DNAAF9: variants seen among roughly 807,000 people sequenced by gnomAD.
DNAAF9 encodes dynein axonemal assembly factor 9, also known as shulin.
DNAAF9 carries 90 observed loss-of-function variants against 167.0 expected under a neutral mutation model. The ratio of observed to expected loss-of-function variants is 0.54; its 90% CI spans 0.45 to 0.64. DNAAF9 has a LOEUF of 0.64. Ranked by LOEUF, DNAAF9 falls within the 30% of genes least tolerant of loss-of-function variation. The probability of loss-of-function intolerance (pLI) is 0.00; values close to 1 mark genes in which losing one functional copy is unlikely to be tolerated. For missense variants in DNAAF9, 1,315 were observed against 1,442.2 expected (o/e 0.91, Z 1.43); for synonymous variants, 491 against 508.8 (o/e 0.96, Z 0.47).
intron 10 of DNAAF9, 50 bp downstream of exon 10, chr20:3,340,454 C>CCCCACCCT: frequency 1.9e-6 from 2 of 1,053,078 alleles, no homozygotes; most frequent in Non-Finnish European, 2.6e-6. Flanking sequence ...ACCCCACCCC[C>CCCCACCCT]ACAACTTGAT....
In DNAAF9 at chr20:3,287,730, C is replaced by A. The variant is rs1283290941; in HGVS notation, c.2388G>T (p.Gln796His). ...SSECFHAAHFQRYLSSALEAQ... is the reference protein window; with the variant it reads ...SSECFHAAHFHRYLSSALEAQ... ...CCTCTAGGGCACTGGAAAGGTATCTCTGGAAGTGTGCAGCATGAAAACATT... is the reference window on the plus strand; with the variant it reads ...CCTCTAGGGCACTGGAAAGGTATCTATGGAAGTGTGCAGCATGAAAACATT... The change falls in exon 27 of 37, where the codon CAG (glutamine) becomes CAT (histidine). Residue 796 changes from glutamine (Q) to histidine (H), a missense_variant. Around this residue, in one of 2 missense-constraint regions of DNAAF9, gnomAD observed 981 missense variants for 1,012.5 expected, o/e 0.97. Transcript: ENST00000252032. The A allele has an allele frequency of 6.2e-7, 1 of 1,614,058 alleles. No individual in the cohort carries two copies. Among genetic ancestry groups the A allele is most frequent in the East Asian group, 2.2e-5 (1 of 44,886 alleles).
At chr20:3,298,931 T>TG (rs1298298926) in intron 21 of DNAAF9, among the ~76,000 whole-genome samples, 1 of 137,522 alleles carries the variant, frequency 7.3e-6, no homozygotes, top group African/African-American at 2.8e-5. Context: ...TTTTTTGAGA[T>TG]GGAGTCTCAC....
Position 3,270,465 on chromosome 20 carries a change from AGCAGG to A in DNAAF9, c.2743_2747del (p.Pro915CysfsTer15), listed in dbSNP as rs1182672526. 1 of 1,613,440 alleles carries A rather than the reference AGCAGG, an allele frequency of 6.2e-7. No homozygotes were observed. Among genetic ancestry groups the A allele is most frequent in the African/African-American group, 1.3e-5 (1 of 75,042 alleles). ...CATTTTCTGCAAGAATGAAGGCTGC[AGCAGG>A]ATTGGCAGCCCTGATGAGGCTCTGC... On this transcript the variant is annotated frameshift_variant, in exon 30 of 37. Transcript: ENST00000252032. LOFTEE classifies it high-confidence loss of function.
At chr20:3,324,758 T>C (rs2069680399) in intron 14 of DNAAF9, 134 bp downstream of exon 14, 1 of 638,062 alleles carries the variant, frequency 1.6e-6, no homozygotes, top group Non-Finnish European at 2.8e-6. Flanking sequence ...TCATGAATGA[T>C]TCTCCTTCAC....
intron 2 of DNAAF9, 101 bp from the exon 3 acceptor site, chr20:3,381,599 A>G (rs2083654965): frequency 7.9e-7 from 1 of 1,267,448 alleles, no homozygotes; most frequent in East Asian, 2.4e-5. Flanking sequence ...ATCAAGCTGA[A>G]GGACGCAGCT....
intron 9 of DNAAF9, among the ~76,000 whole-genome samples, chr20:3,341,800 C>T (rs972131935): frequency 3.3e-5 from 5 of 151,986 alleles, no homozygotes; most frequent in African/African-American, 1.2e-4. Flanking sequence ...TTTTTTGAGA[C>T]GGAGTCTTGC....
At chr20:3,319,249 C>G (rs6115849) in intron 16 of DNAAF9, among the ~76,000 whole-genome samples, 1 of 123,912 alleles carries the variant, frequency 8.1e-6, no homozygotes, top group Non-Finnish European at 1.6e-5. Context: ...GGCAACGGAC[C>G]GAGACCCCGT....
In DNAAF9 at chr20:3,322,262, T is replaced by C; in HGVS notation, c.1311A>G (p.Arg437=). Reference sequence around the variant, plus strand: ...TATCTTCACTGTCCAGCGGTACAATTCTAGGAGGGGAAAGAGATGGAAGAC... The same window carrying C: ...TATCTTCACTGTCCAGCGGTACAATCCTAGGAGGGGAAAGAGATGGAAGAC... ...FHIHAVNNQG[R]IVPLDSEDSL... Residue 437 remains arginine, a splice_region_variant and synonymous_variant, in exon 16 of 37, where the codon AGA becomes AGG. Transcript: ENST00000252032. The C allele has an allele frequency of 1.2e-6, 2 of 1,605,488 alleles. No homozygotes were observed. The highest frequency in any genetic ancestry group is 1.7e-6 in the Non-Finnish European group (2 of 1,173,130).
intron 1 of DNAAF9, among the ~76,000 whole-genome samples, chr20:3,389,347 C>T (rs1237276061): frequency 6.6e-6 from 1 of 150,978 alleles, no homozygotes; most frequent in Non-Finnish European, 1.5e-5. Context: ...AGATGGGTCT[C>T]ACCATGTTGC....
intron 29 of DNAAF9, among the ~76,000 whole-genome samples, chr20:3,276,952 C>T (rs1236855560): frequency 6.6e-6 from 1 of 152,172 alleles, no homozygotes; most frequent in Admixed American, 6.5e-5. Context: ...GGCTCTGGAC[C>T]CTACCCCTTC....
intron 11 of DNAAF9, among the ~76,000 whole-genome samples, chr20:3,331,125 A>G (rs2069821328): frequency 6.6e-6 from 1 of 152,112 alleles, no homozygotes; most frequent in Admixed American, 6.5e-5. Context: ...TAGTACAAAC[A>G]CCAACAACAG....
chr20:3,306,974 T>C, intron 20 of DNAAF9: 6 of 985,332 alleles, frequency 6.1e-6, no homozygotes, highest in Non-Finnish European at 7.2e-6. Context: ...TTCCCTGTCC[T>C]GGGTATCCCT....
At chr20:3,293,611 G>A (rs1038664399) in intron 25 of DNAAF9, among the ~76,000 whole-genome samples, 2 of 146,946 alleles carry the variant, frequency 1.4e-5, no homozygotes, top group Non-Finnish European at 3.0e-5. Flanking sequence ...CTTGAGCCCA[G>A]GGGGCGGAGG....
At position 3,256,115 on chromosome 20, in the gene DNAAF9, T is replaced by C. The variant is rs772670526; in HGVS notation, c.3152A>G (p.Lys1051Arg). The change falls in exon 34 of 37, where the codon AAA becomes AGA. Residue 1051 changes from lysine (K) to arginine (R), a missense_variant. Physicochemically the swap from Lys to Arg is conservative, Grantham distance 26. Around this residue, in one of 2 missense-constraint regions of DNAAF9, gnomAD observed 334 missense variants for 429.7 expected, o/e 0.78. Transcript: ENST00000252032. Reference sequence around the variant, plus strand: ...CCCGCTGCTGTCTTGAGATACGCTTTTGGAGTCTGGTGGTGGTGTGGGTCC... The same window carrying C: ...CCCGCTGCTGTCTTGAGATACGCTTCTGGAGTCTGGTGGTGGTGTGGGTCC... Reference protein sequence around the residue: ...LEGPTPPPDSKSVSQDSSGQQ... With the variant: ...LEGPTPPPDSRSVSQDSSGQQ... 3 of 1,614,058 alleles carry C rather than the reference T, an allele frequency of 1.9e-6. No individual in the cohort carries two copies. Among genetic ancestry groups the C allele is most frequent in the Non-Finnish European group, 1.7e-6 (2 of 1,180,014 alleles).
chr20:3,362,215 A>G, intron 6 of DNAAF9: 1 of 1,435,242 alleles, frequency 7.0e-7, no homozygotes, highest in Non-Finnish European at 9.7e-7. Context: ...GTAATCTTCT[A>G]GACCCCAGCT....
At chr20:3,307,205 A>G (rs1233927036) in intron 20 of DNAAF9, 1 of 959,598 alleles carries the variant, frequency 1.0e-6, no homozygotes, top group African/African-American at 1.8e-5. Context: ...ACAAAATGGA[A>G]AAGAGGAAGA....
intron 11 of DNAAF9, among the ~76,000 whole-genome samples, chr20:3,331,657 C>T (rs1297389868): frequency 3.9e-5 from 6 of 152,180 alleles, no homozygotes; most frequent in South Asian, 2.1e-4. Context: ...ATTCCCACTG[C>T]GGACCCCACC....
At chr20:3,375,873 G>C (rs1249507592) in intron 4 of DNAAF9, among the ~76,000 whole-genome samples, 1 of 151,922 alleles carries the variant, frequency 6.6e-6, no homozygotes, top group African/African-American at 2.4e-5. Context: ...TCCCAGGGCA[G>C]TCCCTAGGCA....
rs964218541 is a variant in DNAAF9, at chr20:3,264,475, C to A, written c.2836G>T (p.Glu946Ter). 2 of 1,569,568 alleles carry A rather than the reference C, an allele frequency of 1.3e-6. No homozygotes were observed. Among genetic ancestry groups the A allele is most frequent in the African/African-American group, 2.7e-5 (2 of 74,004 alleles). The change falls in exon 31 of 37, where the codon GAG becomes TAG. Residue 946 changes from glutamate to a stop codon, truncating the protein, a stop_gained. Transcript: ENST00000252032. LOFTEE classifies it high-confidence loss of function. Reference sequence around the variant, plus strand: ...ATTAAATATCGAGATCGTAGCATCTCAGGACTTGAAAAACTGTTTTCTGAG... The same window carrying A: ...ATTAAATATCGAGATCGTAGCATCTAAGGACTTGAAAAACTGTTTTCTGAG... Reference protein sequence around the residue: ...ILSENSFSSPEMLRSRYLMYP... With the variant: ...ILSENSFSSP
Sources: allele counts gnomAD v4.1 joint callset (sites outside exome capture counted in the v4.1 genomes callset), GRCh38; gene constraint gnomAD v4.1.1; regional missense constraint gnomAD v4.1.1; transcripts MANE v1.5; gene names NCBI Gene and HGNC (gene_info 2026-07-23, HGNC 2026-07-21).